The following SEMA4D variants were observed in gnomAD, a reference collection of about 807,000 sequenced individuals.
SEMA4D encodes the protein semaphorin 4D.
Under a neutral mutation model 74.8 loss-of-function variants are expected in SEMA4D, and 22 were observed. The observed-to-expected ratio is 0.29, with a 90% CI of 0.21 to 0.42. The LOEUF (loss-of-function observed/expected upper bound fraction) is 0.42, where lower values mean the gene tolerates loss of function less well. SEMA4D is among the 10% of genes least tolerant of loss of function. SEMA4D has a pLI of 1.00. For synonymous variants in SEMA4D, 445 were observed against 463.7 expected (o/e 0.96, Z 0.52); for missense variants, 937 against 1,118.4 (o/e 0.84, Z 2.31).
chr9:89,375,275 G>T (rs1042595949), downstream of SEMA4D, among the ~76,000 whole-genome samples: 1 of 152,186 alleles, frequency 6.6e-6, no homozygotes, highest in African/African-American at 2.4e-5. Flanking sequence ...CCTGCACCAA[G>T]GCAAACTAGC....
chr9:89,363,881 G>T, exon 17 of SEMA4D: 1 of 1,614,124 alleles, frequency 6.2e-7, no homozygotes, highest in Non-Finnish European at 8.5e-7. Flanking sequence ...CAGTGCATGG[G>T]TCTGCACAGG....
chr9:89,403,265 C>T (rs76261937), intron 3 of SEMA4D, among the ~76,000 whole-genome samples: 8,191 of 152,232 alleles, frequency 0.054, 505 homozygotes, highest in East Asian at 0.32. Context: ...AGCTCAAGCC[C>T]GGAGCCAGTG....
intron 2 of SEMA4D, among the ~76,000 whole-genome samples, chr9:89,411,338 C>T (rs912689033): frequency 1.3e-5 from 2 of 152,120 alleles, no homozygotes; most frequent in Non-Finnish European, 2.9e-5. Context: ...GCATAGCCCC[C>T]ATTACAAAAA....
chr9:89,471,275 T>TG (rs1175305682), intron 1 of SEMA4D, among the ~76,000 whole-genome samples: 2 of 151,994 alleles, frequency 1.3e-5, no homozygotes, highest in Non-Finnish European at 2.9e-5. Context: ...CCTCAGGAGA[T>TG]GGAGGGTGGT....
chr9:89,474,668 C>T (rs1025076661), intron 1 of SEMA4D, among the ~76,000 whole-genome samples: 1 of 152,192 alleles, frequency 6.6e-6, no homozygotes, highest in Non-Finnish European at 1.5e-5. Flanking sequence ...AAGCCACTCT[C>T]CCCCAAGCTA....
rs2133767738 is a variant in SEMA4D at position 89,405,634 on chromosome 9, G to A, written c.-178C>T. 1 of 1,432,368 alleles carries A rather than the reference G, an allele frequency of 7.0e-7. No individual in the cohort carries two copies. The highest frequency in any genetic ancestry group is 9.1e-7 in the Non-Finnish European group (1 of 1,097,000). The allele number at this position is 1,432,368 out of a possible 1,614,324, so 88.7% of individuals were successfully genotyped here. ...CATTTCCCAGTTCTCCAGGTGAGGA[G>A]GGGTCGCTCTCACCACCGCAATGTC... On this transcript the variant is annotated 5_prime_UTR_variant, in exon 3 of 16. Coordinates refer to ENST00000422704, the MANE Select transcript of SEMA4D (RefSeq NM_001371194.2).
Position 89,422,238 on chromosome 9 carries a change from T to C in SEMA4D, c.-243-16539A>G, listed in dbSNP as rs183190181. Among the ~76,000 whole-genome samples, 29 of 152,372 alleles carry C rather than the reference T, an allele frequency of 1.9e-4. No homozygotes were observed. The East Asian group carries it at 4.4e-3, about 23-fold the overall frequency. ...ACATGACATACAGTTCTGGTCTTTC[T>C]GGCATTTTGGTGAATTCCTCATTCT... On this transcript the variant is annotated intron_variant, in intron 2 of 15. Transcript: ENST00000422704.
intron 2 of SEMA4D, among the ~76,000 whole-genome samples, chr9:89,448,441 AGGCCAT>A (rs1853516168): frequency 6.6e-6 from 1 of 152,220 alleles, no homozygotes; most frequent in African/African-American, 2.4e-5. Flanking sequence ...TGTGCATGAC[AGGCCAT>A]GGAGGACCCA....
chr9:89,371,060 ATGTC>A (rs1322272337), intron 16 of SEMA4D, among the ~76,000 whole-genome samples: 13 of 58,394 alleles, frequency 2.2e-4, no homozygotes, highest in African/African-American at 7.5e-4. Context: ...GGGTATGTGT[ATGTC>A]TGGGGTGTGG....
At chr9:89,461,711 T>TTTTTTTC in intron 1 of SEMA4D, among the ~76,000 whole-genome samples, 1 of 132,860 alleles carries the variant, frequency 7.5e-6, no homozygotes, top group African/African-American at 2.9e-5. Context: ...TTTTTTTTTT[T>TTTTTTTC]TTTTTTTTGG....
chr9:89,452,187 T>TG lies in SEMA4D; in HGVS notation c.-244+3700_-244+3701insC, dbSNP rs1554777539. On this transcript the variant is annotated intron_variant, in intron 2 of 15. Transcript: ENST00000422704. ...GTCCTGTCTTGGTTTTTTTTGTTTTTTTTTTTTTTGAGATGGAGTCTCGCT... is the reference window on the plus strand; with the variant it reads ...GTCCTGTCTTGGTTTTTTTTGTTTTTGTTTTTTTTTGAGATGGAGTCTCGCT... 4.9e-5 allele frequency among the ~76,000 whole-genome samples: 7 copies of TG among 143,918 alleles called. No homozygotes were observed. In the East Asian group the frequency reaches 1.4e-3, roughly 28 times the overall value. 94.4% of individuals were successfully genotyped at this position (143,918 alleles called of 152,430 possible).
At chr9:89,451,681 G>A (rs1216192070) in intron 2 of SEMA4D, among the ~76,000 whole-genome samples, 4 of 151,898 alleles carry the variant, frequency 2.6e-5, no homozygotes, top group African/African-American at 4.8e-5. Context: ...TGCTGTCCCA[G>A]GAAACTAGGG....
chr9:89,382,137 A>C (rs990674162), intron 13 of SEMA4D, among the ~76,000 whole-genome samples: 8 of 152,164 alleles, frequency 5.3e-5, no homozygotes, highest in Admixed American at 5.2e-4. Flanking sequence ...AGCAGTGCCC[A>C]GCACACAGGC....
chr9:89,486,756 A>C (rs1009186558), intron 1 of SEMA4D, among the ~76,000 whole-genome samples: 2 of 152,186 alleles, frequency 1.3e-5, no homozygotes, highest in African/African-American at 4.8e-5. Context: ...AATTCAAAAA[A>C]ATTAGCCAGG....
intron 6 of SEMA4D, among the ~76,000 whole-genome samples, chr9:89,395,631 ACTGT>A (rs1840796332): frequency 6.6e-6 from 1 of 152,076 alleles, no homozygotes; most frequent in South Asian, 2.1e-4. Context: ...AATACAAACG[ACTGT>A]CTTTGAGGAC....
At chr9:89,404,038 T>C (rs1842740250) in intron 3 of SEMA4D, among the ~76,000 whole-genome samples, 1 of 152,228 alleles carries the variant, frequency 6.6e-6, no homozygotes, top group South Asian at 2.1e-4. Context: ...AACAATGGCC[T>C]ATATTGCTGA....
intron 2 of SEMA4D, chr9:89,450,413 TGAG>T (rs1854081382): frequency 3.1e-6 from 4 of 1,287,722 alleles, no homozygotes; most frequent in African/African-American, 2.9e-5. Flanking sequence ...CATGTGAAGA[TGAG>T]AAGAAGGCTT....
At chr9:89,363,940 G>C in exon 17 of SEMA4D, 1 of 1,614,088 alleles carries the variant, frequency 6.2e-7, no homozygotes, top group Non-Finnish European at 8.5e-7. Context: ...CAAAGCGAAT[G>C]TCTGCAGGAC....
rs1833047555 is a variant in SEMA4D at position 89,363,359 on chromosome 9, TC to T, written c.2190+70del. 1.9e-6 allele frequency: 3 copies of T among 1,590,948 alleles called. 1 individual carries two copies. In the South Asian group the frequency reaches 3.4e-5, roughly 18 times the overall value. ...CATGCTGAATGGGGCCCTTGAAAGA[TC>T]CACTGGATGTGGCAGGTGCCCTGCC... On this transcript the variant is annotated intron_variant, in intron 18 of 18. Transcript: ENST00000339861.
Sources: allele counts gnomAD v4.1 joint callset (sites outside exome capture counted in the v4.1 genomes callset), GRCh38; gene constraint gnomAD v4.1.1; transcripts MANE v1.5; gene names NCBI Gene and HGNC (gene_info 2026-07-23, HGNC 2026-07-21).